HIVEP3: variants seen among roughly 807,000 people sequenced by gnomAD.
The protein encoded by HIVEP3 is transcription factor HIVEP3.
A neutral mutation model predicts 152.8 loss-of-function variants in HIVEP3; 49 were observed. The ratio of observed to expected loss-of-function variants is 0.32; its 90% confidence interval spans 0.26 to 0.41. The LOEUF is 0.41. Ranked by LOEUF, HIVEP3 falls within the 10% of genes least tolerant of loss-of-function variation. HIVEP3 has a pLI of 1.00. For synonymous variants in HIVEP3, 1,269 were observed against 1,289.0 expected (o/e 0.98, Z 0.33); for missense variants, 2,790 against 3,103.3 (o/e 0.90, Z 2.40).
At position 41,950,607 on chromosome 1, in the gene HIVEP3, C is replaced by G. The variant is rs561713216; in HGVS notation, n.120-32083G>C. On this transcript the variant is annotated intron_variant and non_coding_transcript_variant, in intron 1 of 3. Coordinates refer to the HIVEP3 transcript ENST00000489103. Reference sequence around the variant, plus strand: ...CCCTCTATTCTCACAGGAAAAATGACTATGCTGTGAGCTACTGCCACCTGG... The same window carrying G: ...CCCTCTATTCTCACAGGAAAAATGAGTATGCTGTGAGCTACTGCCACCTGG... Among the ~76,000 whole-genome samples the G allele has an allele frequency of 2.0e-5, 3 of 152,224 alleles. 1 individual carries two copies. In the South Asian group the frequency reaches 6.2e-4, roughly 32 times the overall value.
chr1:41,633,349 G>C (rs1050067822), intron 2 of HIVEP3, among the ~76,000 whole-genome samples: 8 of 152,178 alleles, frequency 5.3e-5, no homozygotes, highest in Non-Finnish European at 7.4e-5. Flanking sequence ...ACCCAGCCGG[G>C]CAGTGAGGGC....
chr1:41,742,844 T>G (rs1207154737), intron 1 of HIVEP3, among the ~76,000 whole-genome samples: 2 of 152,172 alleles, frequency 1.3e-5, no homozygotes, highest in African/African-American at 2.4e-5. Flanking sequence ...TGAGAATCTG[T>G]GTAACAGGGG....
intron 5 of HIVEP3, among the ~76,000 whole-genome samples, chr1:41,545,554 TCACTACCATCAC>T (rs1407066918): frequency 0.01 from 338 of 33,630 alleles, no homozygotes; most frequent in African/African-American, 0.032. Context: ...ACCATCACCA[TCACTACCATCAC>T]CACCACCACC....
At chr1:41,680,446 T>A (rs547485569) in intron 2 of HIVEP3, among the ~76,000 whole-genome samples, 27 of 152,352 alleles carry the variant, frequency 1.8e-4, no homozygotes, top group African/African-American at 6.5e-4. Flanking sequence ...CTTAGCCTCA[T>A]CACAGTGTCC....
At chr1:41,901,131 G>A (rs1644614880) in intron 1 of HIVEP3, among the ~76,000 whole-genome samples, 1 of 152,078 alleles carries the variant, frequency 6.6e-6, no homozygotes, top group Non-Finnish European at 1.5e-5. Context: ...AACAGGTGGT[G>A]GAGAGGAGAG....
intron 5 of HIVEP3, among the ~76,000 whole-genome samples, chr1:41,571,815 A>T (rs1644255023): frequency 6.6e-6 from 1 of 152,322 alleles, no homozygotes; most frequent in Non-Finnish European, 1.5e-5. Context: ...TCACAGGCTG[A>T]GTTTAAACTG....
intron 2 of HIVEP3, among the ~76,000 whole-genome samples, chr1:41,684,225 C>T (rs1646082820): frequency 6.6e-6 from 1 of 152,158 alleles, no homozygotes; most frequent in African/African-American, 2.4e-5. Flanking sequence ...CTCAGCGAGA[C>T]AAGCAGCAGA....
intron 1 of HIVEP3, among the ~76,000 whole-genome samples, chr1:41,927,523 CCAAT>C (rs1266234186): frequency 6.6e-6 from 1 of 152,070 alleles, no homozygotes; most frequent in African/African-American, 2.4e-5. Flanking sequence ...GCCTTCAGGG[CCAAT>C]CAAATAACGT....
rs74070884 is a variant in HIVEP3 at position 41,712,151 on chromosome 1, T to C, written c.-800-11156A>G. On this transcript the variant is annotated intron_variant, in intron 1 of 8. Coordinates refer to ENST00000372583, the MANE Select transcript of HIVEP3 (RefSeq NM_024503.5). ...CTCATCAAGCACCTGCTCCAGGCTGTGCTCCGTGCTCTGCCTCAGCATTTC... is the reference window on the plus strand; with the variant it reads ...CTCATCAAGCACCTGCTCCAGGCTGCGCTCCGTGCTCTGCCTCAGCATTTC... Among the ~76,000 whole-genome samples, 158 of 152,356 alleles carry C rather than the reference T, an allele frequency of 1.0e-3. 1 individual carries two copies. The highest frequency in any genetic ancestry group is 3.3e-3 in the African/African-American group (139 of 41,586).
chr1:41,740,391 C>T (rs1351344087), intron 1 of HIVEP3, among the ~76,000 whole-genome samples: 1 of 152,218 alleles, frequency 6.6e-6, no homozygotes, highest in Admixed American at 6.5e-5. Context: ...ATTGCCTATA[C>T]ACAGCTGCAC....
At chr1:41,574,597 C>T (rs1038946854) in intron 5 of HIVEP3, among the ~76,000 whole-genome samples, 4 of 152,196 alleles carry the variant, frequency 2.6e-5, no homozygotes, top group Non-Finnish European at 5.9e-5. Context: ...CCACGCTGAC[C>T]CTGTGAGTTA....
intron 1 of HIVEP3, among the ~76,000 whole-genome samples, chr1:41,759,508 T>C (rs2055952): frequency 0.83 from 126,307 of 152,196 alleles, 55,472 homozygotes; most frequent in Non-Finnish European, 0.98. Flanking sequence ...AGCATTCATG[T>C]ACAAGTTTTT....
At chr1:41,615,996 C>G (rs1294589941) in intron 3 of HIVEP3, among the ~76,000 whole-genome samples, 1 of 151,996 alleles carries the variant, frequency 6.6e-6, no homozygotes, top group Non-Finnish European at 1.5e-5. Context: ...AGATGACACT[C>G]TCTACCGCAT....
chr1:41,691,668 C>G (rs1297587791), intron 2 of HIVEP3, among the ~76,000 whole-genome samples: 1 of 152,194 alleles, frequency 6.6e-6, no homozygotes, highest in Non-Finnish European at 1.5e-5. Context: ...GCCTTGAGAA[C>G]TGTAAGAAAT....
chr1:42,033,644 G>A (rs565510536), intron 1 of HIVEP3, among the ~76,000 whole-genome samples: 3 of 152,230 alleles, frequency 2.0e-5, no homozygotes, highest in Admixed American at 6.5e-5. Context: ...AAGGAGATAA[G>A]GTTTCTTGCT....
chr1:41,542,229 A>G (rs1643547687), intron 5 of HIVEP3: 1 of 152,216 alleles, frequency 6.6e-6, no homozygotes, highest in East Asian at 1.9e-4. Context: ...CCCTGGCAAT[A>G]TTGGGACCAG....
intron 6 of HIVEP3, among the ~76,000 whole-genome samples, chr1:41,520,131 C>T (rs189205009): frequency 1.3e-5 from 2 of 152,150 alleles, no homozygotes; most frequent in Non-Finnish European, 2.9e-5. Context: ...AGGGAGAGGG[C>T]CCATGGATGA....
intron 1 of HIVEP3, among the ~76,000 whole-genome samples, chr1:41,959,158 C>T (rs909370526): frequency 2.0e-5 from 3 of 152,188 alleles, no homozygotes; most frequent in African/African-American, 4.8e-5. Context: ...GCTCCTGATG[C>T]TGCTAAACAT....
At chr1:41,742,065 A>G (rs750092520) in intron 1 of HIVEP3, among the ~76,000 whole-genome samples, 1 of 152,190 alleles carries the variant, frequency 6.6e-6, no homozygotes, top group East Asian at 1.9e-4. Context: ...TGAATTCTAC[A>G]CCATTGTGAA....
Sources: gnomAD v4.1 joint callset for allele counts (sites outside exome capture counted in the v4.1 genomes callset) on GRCh38, gnomAD v4.1.1 for gene constraint, MANE v1.5 for transcripts, NCBI Gene and HGNC (gene_info 2026-07-23, HGNC 2026-07-21) for gene names.